Variants in STK39 observed in about 807,000 individuals in gnomAD.
STK39 encodes serine/threonine kinase 39.
Under a neutral mutation model 77.8 loss-of-function variants are expected in STK39, and 20 were observed. That is an observed-to-expected ratio of 0.26 (90% CI 0.18 to 0.37). The LOEUF (loss-of-function observed/expected upper bound fraction) is 0.37, where lower values mean the gene tolerates loss of function less well. Ranked by LOEUF, STK39 falls within the 10% of genes least tolerant of loss-of-function variation. STK39 has a pLI of 1.00. For missense variants in STK39, 479 were observed against 656.5 expected (o/e 0.73, Z 2.95); for synonymous variants, 246 against 234.1 (o/e 1.05, Z -0.47).
chr2:168,209,194 T>C (rs1026679359), intron 1 of STK39, among the ~76,000 whole-genome samples: 1 of 152,202 alleles, frequency 6.6e-6, no homozygotes, highest in Non-Finnish European at 1.5e-5. Flanking sequence ...AGCAGTCTCA[T>C]AAATTTTTAC....
intron 2 of STK39, among the ~76,000 whole-genome samples, chr2:168,170,977 A>T (rs1485709924): frequency 3.3e-5 from 5 of 152,244 alleles, no homozygotes; most frequent in African/African-American, 1.2e-4. Context: ...AGAACTCTGA[A>T]ATGCAGGCAA....
At chr2:168,106,772 T>G (rs933099423) in intron 10 of STK39, among the ~76,000 whole-genome samples, 1 of 152,268 alleles carries the variant, frequency 6.6e-6, no homozygotes, top group African/African-American at 2.4e-5. Context: ...CAGTGAGCCA[T>G]GTTCACACCA....
intron 1 of STK39, among the ~76,000 whole-genome samples, chr2:168,202,471 C>T (rs1689635223): frequency 6.6e-6 from 1 of 152,102 alleles, no homozygotes; most frequent in African/African-American, 2.4e-5. Context: ...GGCCCAAAGT[C>T]ACACTTTTCT....
intron 10 of STK39, among the ~76,000 whole-genome samples, chr2:168,084,368 C>T (rs959243780): frequency 1.3e-5 from 2 of 152,210 alleles, no homozygotes; most frequent in Non-Finnish European, 2.9e-5. Flanking sequence ...GACAATCAGA[C>T]TTGCTTCCAA....
chr2:168,244,453 C>T (rs939320227), intron 1 of STK39, among the ~76,000 whole-genome samples: 66 of 152,324 alleles, frequency 4.3e-4, no homozygotes, highest in African/African-American at 1.4e-3. Flanking sequence ...CCTCCTGCTG[C>T]TGGTCACGGT....
At chr2:168,102,930 A>C (rs1015758015) in intron 10 of STK39, among the ~76,000 whole-genome samples, 59 of 45,448 alleles carry the variant, frequency 1.3e-3, no homozygotes, top group African/African-American at 9.1e-3. Context: ...AATCCGTCTC[A>C]AAAAAAAAAA....
At chr2:168,116,952 T>C (rs974127831) in intron 10 of STK39, among the ~76,000 whole-genome samples, 1 of 152,164 alleles carries the variant, frequency 6.6e-6, no homozygotes, top group Admixed American at 6.5e-5. Context: ...TCTTCCTAAT[T>C]AAATGCAGCT....
At chr2:168,135,674 A>C (rs1687812119) in intron 8 of STK39, among the ~76,000 whole-genome samples, 1 of 152,220 alleles carries the variant, frequency 6.6e-6, no homozygotes, top group Non-Finnish European at 1.5e-5. Flanking sequence ...TCCTATCTAA[A>C]AAGTAATTCA....
At chr2:168,213,199 G>C (rs1000534555) in intron 1 of STK39, among the ~76,000 whole-genome samples, 1 of 152,138 alleles carries the variant, frequency 6.6e-6, no homozygotes. Context: ...ACATAGCGCT[G>C]AATTTAGAAA....
At chr2:168,063,657 ATTTC>A (rs1467660024) in intron 13 of STK39, 87 bp from the exon 14 acceptor site, 9 of 1,276,648 alleles carry the variant, frequency 7.0e-6, no homozygotes, top group African/African-American at 1.5e-5. Flanking sequence ...TCATATAGCC[ATTTC>A]TTTCTGGAAA....
chr2:168,035,425 C>T (rs1300278823), intron 14 of STK39, among the ~76,000 whole-genome samples: 1 of 152,122 alleles, frequency 6.6e-6, no homozygotes, highest in Non-Finnish European at 1.5e-5. Context: ...TTTTCCTTCC[C>T]TTTCTCTAAC....
chr2:168,029,396 G>A (rs1281907665), intron 14 of STK39, among the ~76,000 whole-genome samples: 2 of 152,208 alleles, frequency 1.3e-5, no homozygotes, highest in Non-Finnish European at 2.9e-5. Context: ...AAGGGACACT[G>A]AGTAATGTCT....
rs1216378830 is a variant in STK39, at chr2:168,140,305, T to C, written c.824A>G (p.Lys275Arg). ...TGTAATTACTTTCATGGGAGGATAT[T>C]TGTGATAAGGCGCTGCTCCTGTTGC... is the stretch of plus-strand genomic sequence containing the variant. Reference protein sequence around the residue: ...ELATGAAPYHKYPPMKVLMLT... With the variant: ...ELATGAAPYHRYPPMKVLMLT... Residue 275 changes from lysine to arginine, a missense_variant, in exon 7 of 18, where the codon AAA (lysine) becomes AGA (arginine). Around this residue, in one of 3 missense-constraint regions of STK39, gnomAD observed 139 missense variants for 280.6 expected, o/e 0.50. Transcript: ENST00000355999. 3 of 1,613,754 alleles carry C rather than the reference T, an allele frequency of 1.9e-6. No homozygotes were observed. Among genetic ancestry groups the C allele is most frequent in the East Asian group, 2.2e-5 (1 of 44,868 alleles).
chr2:168,099,279 T>C (rs537936512), intron 10 of STK39, among the ~76,000 whole-genome samples: 1 of 152,346 alleles, frequency 6.6e-6, no homozygotes, highest in Admixed American at 6.5e-5. Flanking sequence ...ATAATGATCA[T>C]CAATAGTGAA....
intron 1 of STK39, among the ~76,000 whole-genome samples, chr2:168,217,467 T>C (rs1254945617): frequency 6.6e-6 from 1 of 152,196 alleles, no homozygotes; most frequent in Non-Finnish European, 1.5e-5. Flanking sequence ...TAAACTGACA[T>C]TTCAGAATAT....
intron 11 of STK39, 21 bp from the exon 12 acceptor site, chr2:168,075,032 C>T: frequency 1.2e-6 from 2 of 1,613,564 alleles, no homozygotes; most frequent in Admixed American, 1.7e-5. Flanking sequence ...ATTATGTATC[C>T]ATTAATATAT....
At chr2:168,232,848 G>A (rs1414695531) in intron 1 of STK39, among the ~76,000 whole-genome samples, 1 of 151,852 alleles carries the variant, frequency 6.6e-6, no homozygotes, top group Non-Finnish European at 1.5e-5. Flanking sequence ...GGAGGCGGAG[G>A]TTGCAGCGAG....
rs541368366 is a variant in STK39 at position 168,244,733 on chromosome 2, C to T, written c.208+2495G>A. 1.8e-4 allele frequency among the ~76,000 whole-genome samples: 27 copies of T among 152,310 alleles called. 1 individual carries two copies. Among genetic ancestry groups the T allele is most frequent in the South Asian group, 1.5e-3 (7 of 4,826 alleles). On this transcript the variant is annotated intron_variant, in intron 1 of 17. Transcript: ENST00000355999. The stretch of plus-strand genomic sequence containing the variant: ...ATTTGATTTTTCAATAACAGGGCCT[C>T]CACACAGGCCAACTCTTTCTCTTTT...
At chr2:168,229,022 A>G (rs1231305050) in intron 1 of STK39, among the ~76,000 whole-genome samples, 4 of 152,080 alleles carry the variant, frequency 2.6e-5, no homozygotes, top group Non-Finnish European at 4.4e-5. Flanking sequence ...TCCCACATCT[A>G]AAAGCATATA....
Sources: allele counts gnomAD v4.1 joint callset (sites outside exome capture counted in the v4.1 genomes callset), GRCh38; gene constraint gnomAD v4.1.1; regional missense constraint gnomAD v4.1.1; transcripts MANE v1.5; gene names NCBI Gene and HGNC (gene_info 2026-07-23, HGNC 2026-07-21).